Variants in PLAAT5 observed in about 807,000 individuals in gnomAD.
PLAAT5 encodes Ca(2+)-independent N-acyltransferase.
A neutral mutation model predicts 27.8 loss-of-function variants in PLAAT5; 27 were observed. The ratio of observed to expected loss-of-function variants is 0.97; its 90% confidence interval spans 0.72 to 1.34. The LOEUF (loss-of-function observed/expected upper bound fraction) is 1.34, where lower values mean the gene tolerates loss of function less well. Among genes scored for constraint, PLAAT5 ranks in the 40% most tolerant of loss-of-function variants. PLAAT5 has a pLI of 0.00. For synonymous variants in PLAAT5, 125 were observed against 136.1 expected (o/e 0.92, Z 0.57); for missense variants, 368 against 343.8 (o/e 1.07, Z -0.56).
chr11:63,482,948 A>G (rs2120315245), intron 3 of PLAAT5, among the ~76,000 whole-genome samples: 1 of 152,342 alleles, frequency 6.6e-6, no homozygotes, highest in South Asian at 2.1e-4. Context: ...AGTGAGCTAG[A>G]GTAGCTATTC....
chr11:63,469,126 G>T (rs112819908), intron 3 of PLAAT5, among the ~76,000 whole-genome samples: 4,214 of 146,252 alleles, frequency 0.029, 81 homozygotes, highest in Middle Eastern at 0.041. Flanking sequence ...GTGTGTGTGT[G>T]TGTGTGTGTG....
chr11:63,468,694 G>A (rs1033193653), intron 3 of PLAAT5, among the ~76,000 whole-genome samples: 3 of 152,192 alleles, frequency 2.0e-5, no homozygotes, highest in South Asian at 2.1e-4. Flanking sequence ...AGTTATCAAT[G>A]TATTGCCTCT....
At chr11:63,483,846 C>T (rs534464846) in intron 3 of PLAAT5, among the ~76,000 whole-genome samples, 1,120 of 70,116 alleles carry the variant, frequency 0.016, 20 homozygotes, top group South Asian at 0.042. Context: ...TATATATACA[C>T]ATATATATAT....
chr11:63,490,897 C>T lies in PLAAT5; in HGVS notation c.138G>A (p.Val46=). The T allele has an allele frequency of 2.5e-6, 4 of 1,604,134 alleles. No homozygotes were observed. Among genetic ancestry groups the T allele is most frequent in the Non-Finnish European group, 3.4e-6 (4 of 1,175,758 alleles). ...ATTCTTGGGGCTGACCTGAGTGGGG[C>T]ACAGCTGAACGTCTGAGCGCAGGCG... The part of the protein sequence containing the change: ...DQPPALRRSA[V]PHSEESVGFA... The change falls in exon 1 of 6, where the codon GTG becomes GTA. Residue 46 remains valine (V), a synonymous_variant. Coordinates refer to ENST00000540857, the MANE Select transcript of PLAAT5 (RefSeq NM_001146729.2).
intron 3 of PLAAT5, among the ~76,000 whole-genome samples, chr11:63,473,832 C>A (rs1168864318): frequency 6.6e-6 from 1 of 151,678 alleles, no homozygotes; most frequent in Non-Finnish European, 1.5e-5. Flanking sequence ...CGTGCCTCAG[C>A]CTCCCAAGTA....
At chr11:63,490,502 T>G in intron 1 of PLAAT5, 169 bp from the exon 2 acceptor site, 1 of 1,049,176 alleles carries the variant, frequency 9.5e-7, no homozygotes, top group Non-Finnish European at 1.4e-6. Context: ...AACTAGGTGC[T>G]GGAGCGGGTT....
rs577683925 is a variant in PLAAT5 at position 63,466,449 on chromosome 11, G to A, written c.455-77C>T. 34 of 1,452,422 alleles carry A rather than the reference G, an allele frequency of 2.3e-5. No homozygotes were observed. In the East Asian group the frequency reaches 7.7e-4, roughly 33 times the overall value. The allele number at this position is 1,452,422 out of a possible 1,614,324, so 90.0% of individuals were successfully genotyped here. A position where few individuals can be genotyped will look rare whatever the true frequency, so the allele number is the denominator to read the frequency against. On this transcript the variant is annotated intron_variant, in intron 4 of 5. Transcript: ENST00000540857. The stretch of plus-strand genomic sequence containing the variant: ...GAGCACAGTCTAAGACTCTGAGTAA[G>A]CTGCTTCCCCTGGAGTCTCATTGGC...
chr11:63,486,294 G>A (rs2849651), intron 3 of PLAAT5, among the ~76,000 whole-genome samples: 1,911 of 152,216 alleles, frequency 0.013, 37 homozygotes, highest in African/African-American at 0.043. Flanking sequence ...TCTAACCAGA[G>A]GAAAAGAAGT....
intron 3 of PLAAT5, among the ~76,000 whole-genome samples, chr11:63,469,943 G>T (rs1046695672): frequency 6.6e-6 from 1 of 152,042 alleles, no homozygotes; most frequent in African/African-American, 2.4e-5. Flanking sequence ...AAAAAAATTA[G>T]CCAGGCTTGG....
intron 3 of PLAAT5, among the ~76,000 whole-genome samples, chr11:63,472,829 C>A (rs559340700): frequency 6.6e-6 from 1 of 151,984 alleles, no homozygotes. Context: ...GTGGCCCAGG[C>A]GCGGTGGCTC....
In PLAAT5 at chr11:63,490,748, T is replaced by C. The variant is rs1416525259; in HGVS notation, c.148+139A>G. On this transcript the variant is annotated intron_variant, in intron 1 of 5. Coordinates refer to ENST00000540857, the MANE Select transcript of PLAAT5 (RefSeq NM_001146729.2). ...TGATTAGCTTTATAACAAGCGGTCG[T>C]TCTGAAATACTCGCTCATGATGGCT... 3.7e-6 allele frequency: 3 copies of C among 821,586 alleles called. No individual in the cohort carries two copies. In the East Asian group the frequency reaches 8.6e-5, roughly 23 times the overall value. 50.9% of individuals were successfully genotyped at this position (821,586 alleles called of 1,614,324 possible).
chr11:63,468,601 T>C, intron 3 of PLAAT5, 136 bp from the exon 4 acceptor site: 1 of 647,830 alleles, frequency 1.5e-6, no homozygotes, highest in Non-Finnish European at 2.6e-6. Context: ...GCTAAAGAAA[T>C]TTCTCTTCAC....
At chr11:63,469,410 A>C (rs942752932) in intron 3 of PLAAT5, 14 of 251,214 alleles carry the variant, frequency 5.6e-5, no homozygotes, top group Non-Finnish European at 1.2e-4. Flanking sequence ...CTGATCAACT[A>C]CCTGGAGCAA....
At chr11:63,487,989 CA>C (rs2016475568) in intron 3 of PLAAT5, among the ~76,000 whole-genome samples, 1 of 152,042 alleles carries the variant, frequency 6.6e-6, no homozygotes, top group Admixed American at 6.6e-5. Flanking sequence ...ACCAAAAATA[CA>C]AAAAATTAGC....
rs2015921977 is a variant in PLAAT5, at chr11:63,468,402, C to T, written c.409G>A (p.Ala137Thr). Residue 137 changes from alanine (A) to threonine (T), a missense_variant, in exon 4 of 6, where the codon GCC becomes ACC. Coordinates refer to ENST00000540857, the MANE Select transcript of PLAAT5 (RefSeq NM_001146729.2). ...ACGCAATCATCTTCTACATAGATGGCCCAGTGCTCATAGCCAATTCGAAAA... is the reference window on the plus strand; with the variant it reads ...ACGCAATCATCTTCTACATAGATGGTCCAGTGCTCATAGCCAATTCGAAAA... ...EIFRIGYEHW[A>T]IYVEDDCVVH... is the part of the protein sequence containing the mutation. 3 of 1,614,004 alleles carry T rather than the reference C, an allele frequency of 1.9e-6. No homozygotes were observed. The highest frequency in any genetic ancestry group is 1.3e-5 in the African/African-American group (1 of 74,906).
At chr11:63,465,872 A>C (rs1043710379) in intron 5 of PLAAT5, among the ~76,000 whole-genome samples, 1 of 152,190 alleles carries the variant, frequency 6.6e-6, no homozygotes, top group African/African-American at 2.4e-5. Context: ...TCTAGTTAAT[A>C]GTTGAGCTGG....
chr11:63,466,319 C>A lies in PLAAT5; in HGVS notation c.508G>T (p.Val170Leu). The A allele has an allele frequency of 1.2e-6, 2 of 1,614,132 alleles. No homozygotes were observed. The highest frequency in any genetic ancestry group is 1.7e-6 in the Non-Finnish European group (2 of 1,180,024). The stretch of plus-strand genomic sequence containing the variant: ...ACATCCTCCAGACGACTGTATTTCA[C>A]CACGGCCCGATTGCTAAAGATGGAA... ...ITSIFSNRAVVKYSRLEDVLH... is the reference protein window; with the variant it reads ...ITSIFSNRAVLKYSRLEDVLH... Residue 170 changes from valine to leucine, a missense_variant, in exon 5 of 6, where the codon GTG (valine) becomes TTG (leucine). Coordinates refer to ENST00000540857, the MANE Select transcript of PLAAT5 (RefSeq NM_001146729.2).
chr11:63,479,583 TGA>T (rs1176086223), intron 3 of PLAAT5, among the ~76,000 whole-genome samples: 1 of 152,160 alleles, frequency 6.6e-6, no homozygotes, highest in Non-Finnish European at 1.5e-5. Context: ...CATAGGTAAA[TGA>T]GAGAGGAAGA....
At chr11:63,471,486 A>G (rs1271422255) in intron 3 of PLAAT5, among the ~76,000 whole-genome samples, 2 of 152,238 alleles carry the variant, frequency 1.3e-5, no homozygotes, top group Admixed American at 6.5e-5. Flanking sequence ...TTGTTGCATC[A>G]GATCTATGAT....
Sources: gnomAD v4.1 joint callset for allele counts (sites outside exome capture counted in the v4.1 genomes callset) on GRCh38, gnomAD v4.1.1 for gene constraint, MANE v1.5 for transcripts, NCBI Gene and HGNC (gene_info 2026-07-23, HGNC 2026-07-21) for gene names.